The following HPSE2 variants were observed in gnomAD, a reference collection of about 807,000 sequenced individuals.
HPSE2 encodes the protein inactive heparanase-2.
HPSE2 carries 38 observed loss-of-function variants against 60.5 expected under a neutral mutation model. The ratio of observed to expected loss-of-function variants is 0.63; its 90% CI spans 0.48 to 0.82. The LOEUF (loss-of-function observed/expected upper bound fraction) is 0.82. Ranked by LOEUF, HPSE2 falls within the 40% of genes least tolerant of loss-of-function variation. The pLI, the probability that HPSE2 is intolerant of heterozygous loss-of-function variation, is 0.00. For synonymous variants in HPSE2, 295 were observed against 293.2 expected (o/e 1.01, Z -0.06); for missense variants, 713 against 740.4 (o/e 0.96, Z 0.43).
intron 2 of HPSE2, among the ~76,000 whole-genome samples, chr10:99,187,371 A>C (rs1459309407): frequency 1.3e-5 from 2 of 152,210 alleles, no homozygotes; most frequent in East Asian, 3.8e-4. Flanking sequence ...AGGACATAAA[A>C]AGCACAAATT....
Position 99,127,938 on chromosome 10 carries a change from C to T in HPSE2, c.610+16300G>A, listed in dbSNP as rs147571230. 2.3e-3 allele frequency among the ~76,000 whole-genome samples: 345 copies of T among 152,258 alleles called. 3 individuals carry two copies. Among genetic ancestry groups the T allele is most frequent in the African/African-American group, 8.1e-3 (335 of 41,554 alleles). On this transcript the variant is annotated intron_variant, in intron 3 of 11. Coordinates refer to ENST00000370552, the MANE Select transcript of HPSE2 (RefSeq NM_021828.5). The stretch of plus-strand genomic sequence containing the variant: ...AGATAAAGTCTTTTTCAGACAAATG[C>T]TGAGAGAATTCACCACTACCAAGCC...
intron 2 of HPSE2, among the ~76,000 whole-genome samples, chr10:99,213,163 C>T (rs1454086747): frequency 1.3e-5 from 2 of 151,986 alleles, no homozygotes; most frequent in Non-Finnish European, 2.9e-5. Flanking sequence ...ACAGAAAAAA[C>T]TGAGTCTCAA....
At chr10:99,264,095 CTTTTTT>C in the HPSE2 span, among the ~76,000 whole-genome samples, 1 of 148,144 alleles carries the variant, frequency 6.8e-6, no homozygotes, top group East Asian at 2.0e-4. Context: ...TTTTCTTTTT[CTTTTTT>C]TTTTGAGATG....
rs946605927 is a variant in HPSE2, at chr10:98,530,819, A to G, written c.1321-40623T>C. 4.6e-4 allele frequency among the ~76,000 whole-genome samples: 70 copies of G among 151,862 alleles called. 2 individuals carry two copies. Among genetic ancestry groups the G allele is most frequent in the Non-Finnish European group, 4.4e-5 (3 of 67,956 alleles). ...TCCCTTCCCCAACATGATGCCTCCCACCCCCGAGGTGGCCCTACTGGAGAA... is the reference window on the plus strand; with the variant it reads ...TCCCTTCCCCAACATGATGCCTCCCGCCCCCGAGGTGGCCCTACTGGAGAA... On this transcript the variant is annotated intron_variant, in intron 9 of 11. Coordinates refer to ENST00000370552, the MANE Select transcript of HPSE2 (RefSeq NM_021828.5).
upstream of HPSE2, among the ~76,000 whole-genome samples, chr10:99,238,930 C>G (rs1008887342): frequency 4.6e-5 from 7 of 152,074 alleles, no homozygotes; most frequent in African/African-American, 1.7e-4. Context: ...GGAGCCAAGG[C>G]AGGCGGATCA....
chr10:98,624,339 G>A (rs1437758261), intron 7 of HPSE2, among the ~76,000 whole-genome samples: 1 of 152,156 alleles, frequency 6.6e-6, no homozygotes, highest in African/African-American at 2.4e-5. Flanking sequence ...AGAACTGAGT[G>A]AAGAAGCCAG....
chr10:98,614,458 A>G (rs570130616), intron 9 of HPSE2, among the ~76,000 whole-genome samples: 1 of 152,000 alleles, frequency 6.6e-6, no homozygotes. Context: ...ACACACAGCT[A>G]ATTTTTTGTA....
chr10:98,781,848 C>CA (rs1950478381), intron 3 of HPSE2, among the ~76,000 whole-genome samples: 1 of 150,758 alleles, frequency 6.6e-6, no homozygotes, highest in African/African-American at 2.4e-5. Context: ...GAAATTTATC[C>CA]AAAAGAACTA....
upstream of HPSE2, chr10:99,235,952 C>CCG: frequency 4.6e-6 from 3 of 655,764 alleles, no homozygotes; most frequent in African/African-American, 2.1e-5. Context: ...TCTCTCTCTC[C>CCG]CGCTCTCTCT....
At chr10:98,824,503 A>G (rs987604739) in intron 3 of HPSE2, among the ~76,000 whole-genome samples, 3 of 152,198 alleles carry the variant, frequency 2.0e-5, no homozygotes, top group African/African-American at 7.2e-5. Context: ...GTCTCTTACT[A>G]TCATACGAAG....
At chr10:99,035,512 A>G (rs370154908) in intron 3 of HPSE2, among the ~76,000 whole-genome samples, 1 of 152,342 alleles carries the variant, frequency 6.6e-6, no homozygotes, top group African/African-American at 2.4e-5. Flanking sequence ...TAATAACTAG[A>G]AAGAGTGTGC....
intron 3 of HPSE2, among the ~76,000 whole-genome samples, chr10:99,102,675 AC>A (rs1194332756): frequency 6.6e-6 from 1 of 152,168 alleles, no homozygotes; most frequent in Non-Finnish European, 1.5e-5. Context: ...CAGAGACACA[AC>A]AAAAAAAGAG....
chr10:99,269,374 G>A, the HPSE2 span, among the ~76,000 whole-genome samples: 1 of 152,054 alleles, frequency 6.6e-6, no homozygotes, highest in Non-Finnish European at 1.5e-5. Flanking sequence ...ATTATATAAT[G>A]ATAAAAATAA....
chr10:98,471,142 T>C (rs1212030424), intron 11 of HPSE2, among the ~76,000 whole-genome samples: 1 of 152,166 alleles, frequency 6.6e-6, no homozygotes, highest in Admixed American at 6.5e-5. Context: ...TTTGGCAAAA[T>C]GGCATAGCGC....
chr10:98,856,854 A>T (rs1952329491), intron 3 of HPSE2, among the ~76,000 whole-genome samples: 1 of 152,158 alleles, frequency 6.6e-6, no homozygotes, highest in Admixed American at 6.6e-5. Context: ...TTGTGTTAGG[A>T]ACTATTTTTG....
chr10:98,863,102 T>C (rs1182686472), intron 3 of HPSE2, among the ~76,000 whole-genome samples: 1 of 152,002 alleles, frequency 6.6e-6, no homozygotes, highest in Non-Finnish European at 1.5e-5. Flanking sequence ...AATCCTTGAT[T>C]CCCCCAGGAA....
intron 3 of HPSE2, among the ~76,000 whole-genome samples, chr10:99,047,453 TAAAC>T (rs1216563543): frequency 6.6e-6 from 1 of 152,046 alleles, no homozygotes. Flanking sequence ...AATTGCAACA[TAAAC>T]AAAAATTGAT....
chr10:98,920,014 A>G (rs1227635737), intron 3 of HPSE2, among the ~76,000 whole-genome samples: 1 of 152,218 alleles, frequency 6.6e-6, no homozygotes, highest in Non-Finnish European at 1.5e-5. Flanking sequence ...ACCTGCTGCT[A>G]GAAGCATAGC....
intron 3 of HPSE2, among the ~76,000 whole-genome samples, chr10:99,125,938 T>C (rs1845146954): frequency 6.6e-6 from 1 of 152,068 alleles, no homozygotes; most frequent in African/African-American, 2.4e-5. Flanking sequence ...CTGAAATCTG[T>C]AATAATTTTG....
Sources: allele counts gnomAD v4.1 joint callset (sites outside exome capture counted in the v4.1 genomes callset), GRCh38; gene constraint gnomAD v4.1.1; transcripts MANE v1.5; gene names NCBI Gene and HGNC (gene_info 2026-07-23, HGNC 2026-07-21).